Variants in FBXL13 observed in about 807,000 individuals in gnomAD.
FBXL13 encodes the protein F-box and leucine-rich repeat protein 13.
In FBXL13, 67 loss-of-function variants were observed where a neutral mutation model predicts 83.6. The ratio of observed to expected loss-of-function variants is 0.80; its 90% CI spans 0.66 to 0.98. The LOEUF is 0.98. Ranked by LOEUF, FBXL13 falls within the 50% of genes least tolerant of loss-of-function variation. The probability of loss-of-function intolerance (pLI) is 0.00; values close to 1 mark genes in which losing one functional copy is unlikely to be tolerated. For missense variants in FBXL13, 822 were observed against 866.5 expected (o/e 0.95, Z 0.64); for synonymous variants, 272 against 299.5 (o/e 0.91, Z 0.95).
chr7:102,980,504 G>A (rs1828059572), intron 6 of FBXL13, among the ~76,000 whole-genome samples: 1 of 152,220 alleles, frequency 6.6e-6, no homozygotes, highest in South Asian at 2.1e-4. Context: ...CCAGCCGGGT[G>A]CGGTGGCTTA....
chr7:102,839,384 C>T (rs868627211), intron 17 of FBXL13, among the ~76,000 whole-genome samples: 7 of 152,194 alleles, frequency 4.6e-5, no homozygotes, highest in South Asian at 2.1e-4. Context: ...GTATGCTGAG[C>T]GCCAGTCCCC....
At chr7:102,820,039 A>G (rs1410929738) in intron 19 of FBXL13, among the ~76,000 whole-genome samples, 2 of 152,358 alleles carry the variant, frequency 1.3e-5, no homozygotes, top group African/African-American at 2.4e-5. Context: ...GATGTTGAAC[A>G]TAAAGACAGA....
intron 17 of FBXL13, among the ~76,000 whole-genome samples, chr7:102,853,340 A>G (rs1350571047): frequency 6.6e-6 from 1 of 152,242 alleles, no homozygotes; most frequent in Non-Finnish European, 1.5e-5. Flanking sequence ...TAAGAAATAA[A>G]GTGAATTAAT....
chr7:102,934,437 T>C, intron 8 of FBXL13: 1 of 1,614,210 alleles, frequency 6.2e-7, no homozygotes, highest in Non-Finnish European at 8.5e-7. Flanking sequence ...GAAACGCTTA[T>C]TTCAATGTTG....
upstream of FBXL13, chr7:103,074,655 C>A (rs1263098058): frequency 3.9e-6 from 5 of 1,280,868 alleles, no homozygotes; most frequent in Non-Finnish European, 5.1e-6. Context: ...CTTCTAACTC[C>A]CCACCGACGG....
intron 10 of FBXL13, among the ~76,000 whole-genome samples, chr7:102,917,317 A>G (rs1488243869): frequency 6.6e-6 from 1 of 152,232 alleles, no homozygotes; most frequent in African/African-American, 2.4e-5. Context: ...CAATTCATCT[A>G]TATAAAAAAC....
chr7:102,901,680 A>C (rs1411495512), intron 11 of FBXL13, among the ~76,000 whole-genome samples: 1 of 152,190 alleles, frequency 6.6e-6, no homozygotes, highest in Non-Finnish European at 1.5e-5. Flanking sequence ...TACATCTCAC[A>C]AATAAGTGAT....
intron 11 of FBXL13, among the ~76,000 whole-genome samples, chr7:102,907,270 T>C (rs1480374230): frequency 6.6e-6 from 1 of 152,232 alleles, no homozygotes; most frequent in Non-Finnish European, 1.5e-5. Context: ...AGATTTGCCC[T>C]TTTGAAATTA....
intron 2 of FBXL13, among the ~76,000 whole-genome samples, chr7:103,051,060 A>C (rs1352116824): frequency 6.6e-6 from 1 of 152,184 alleles, no homozygotes; most frequent in Non-Finnish European, 1.5e-5. Flanking sequence ...TCCCAGGCCT[A>C]ATGTATAAGC....
upstream of FBXL13, chr7:103,074,775 CA>C: frequency 7.8e-7 from 1 of 1,289,394 alleles, no homozygotes; most frequent in Non-Finnish European, 1.0e-6. Flanking sequence ...GGCCATGGCC[CA>C]AGGCCTGACG....
At chr7:102,957,420 A>G (rs2129478108) in intron 8 of FBXL13, among the ~76,000 whole-genome samples, 1 of 152,312 alleles carries the variant, frequency 6.6e-6, no homozygotes, top group African/African-American at 2.4e-5. Context: ...TAGACCTAAA[A>G]CCATAAAAAC....
intron 1 of FBXL13, among the ~76,000 whole-genome samples, chr7:103,070,677 G>T (rs1563300018): frequency 6.6e-6 from 1 of 152,192 alleles, no homozygotes; most frequent in Admixed American, 6.5e-5. Flanking sequence ...TCTGGCGAAG[G>T]CCTCAGGAAG....
chr7:103,019,878 C>T (rs1792913204), intron 6 of FBXL13, among the ~76,000 whole-genome samples: 1 of 152,090 alleles, frequency 6.6e-6, no homozygotes, highest in South Asian at 2.1e-4. Flanking sequence ...GATTCACAGC[C>T]GAATTCTACC....
intron 8 of FBXL13, among the ~76,000 whole-genome samples, chr7:102,932,797 C>A (rs1307762737): frequency 6.6e-6 from 1 of 151,934 alleles, no homozygotes; most frequent in African/African-American, 2.4e-5. Context: ...TTTGTAGAGA[C>A]GGGGTTTCCC....
intron 6 of FBXL13, among the ~76,000 whole-genome samples, chr7:102,968,678 A>T (rs1266861655): frequency 6.6e-6 from 1 of 152,230 alleles, no homozygotes; most frequent in East Asian, 1.9e-4. Flanking sequence ...TTTTTTAAAA[A>T]CATAATTCAG....
At chr7:103,010,764 C>A (rs914994753) in intron 6 of FBXL13, among the ~76,000 whole-genome samples, 1 of 152,162 alleles carries the variant, frequency 6.6e-6, no homozygotes, top group African/African-American at 2.4e-5. Context: ...AATCTGTGTT[C>A]CCCAGCAATC....
chr7:103,073,035 G>A (rs1367680415), intron 1 of FBXL13, among the ~76,000 whole-genome samples: 1 of 152,114 alleles, frequency 6.6e-6, no homozygotes, highest in Non-Finnish European at 1.5e-5. Flanking sequence ...ATATTTTCAA[G>A]CACAATTGTA....
At chr7:102,920,103 A>G (rs775700579) in intron 10 of FBXL13, among the ~76,000 whole-genome samples, 51 of 152,370 alleles carry the variant, frequency 3.3e-4, no homozygotes, top group African/African-American at 4.8e-4. Flanking sequence ...GAAGTGTATT[A>G]GATCACTGTG....
chr7:103,016,943 T>TAA (rs755968926), intron 6 of FBXL13, among the ~76,000 whole-genome samples: 1 of 152,206 alleles, frequency 6.6e-6, no homozygotes, highest in Non-Finnish European at 1.5e-5. Flanking sequence ...TCTGCAGACT[T>TAA]AAACGTCCCT....
Sources: gnomAD v4.1 joint callset for allele counts (sites outside exome capture counted in the v4.1 genomes callset) on GRCh38, gnomAD v4.1.1 for gene constraint, MANE v1.5 for transcripts, NCBI Gene and HGNC (gene_info 2026-07-23, HGNC 2026-07-21) for gene names.